The following DPP6 variants were observed in gnomAD, a reference collection of about 807,000 sequenced individuals.
The protein encoded by DPP6 is A-type potassium channel modulatory protein DPP6.
Under a neutral mutation model 122.6 loss-of-function variants are expected in DPP6, and 69 were observed. The observed-to-expected ratio is 0.56, with a 90% confidence interval of 0.46 to 0.69. The LOEUF (loss-of-function observed/expected upper bound fraction) is 0.69, where lower values mean the gene tolerates loss of function less well. Ranked by LOEUF, DPP6 falls within the 30% of genes least tolerant of loss-of-function variation. The pLI is 0.00. For synonymous variants in DPP6, 418 were observed against 433.1 expected (o/e 0.97, Z 0.43); for missense variants, 928 against 1,116.9 (o/e 0.83, Z 2.41).
chr7:154,871,199 T>C (rs1296387982), intron 18 of DPP6, among the ~76,000 whole-genome samples: 3 of 152,130 alleles, frequency 2.0e-5, no homozygotes, highest in Non-Finnish European at 4.4e-5. Context: ...GCAGCACTGG[T>C]GTGTGACTGT....
At chr7:154,809,239 A>G (rs1050502666) in intron 16 of DPP6, among the ~76,000 whole-genome samples, 12 of 151,886 alleles carry the variant, frequency 7.9e-5, no homozygotes, top group Admixed American at 6.6e-4. Context: ...GAGCAAATAC[A>G]GGGTTTCTTT....
intron 4 of DPP6, among the ~76,000 whole-genome samples, chr7:154,565,783 C>T (rs1182282995): frequency 6.6e-6 from 1 of 152,200 alleles, no homozygotes; most frequent in East Asian, 1.9e-4. Context: ...CCTCGGCCTC[C>T]CAAAGTGCTG....
At position 154,614,303 on chromosome 7, in the gene DPP6, G is replaced by A. The variant is rs372138566; in HGVS notation, c.628-23518G>A. ...TTTGGGATTGGTTTAATTATGGGAG[G>A]AGTTAGAGGCTATTTTAATGAAATA... On this transcript the variant is annotated intron_variant, in intron 5 of 25. Transcript: ENST00000377770. Among the ~76,000 whole-genome samples the A allele has an allele frequency of 3.4e-4, 52 of 152,306 alleles. No individual in the cohort carries two copies. In the East Asian group the frequency reaches 7.7e-3, roughly 23 times the overall value.
At chr7:153,771,870 C>T in the DPP6 span, among the ~76,000 whole-genome samples, 3 of 152,110 alleles carry the variant, frequency 2.0e-5, no homozygotes, top group South Asian at 6.2e-4. Flanking sequence ...CTTATATCTA[C>T]ACAATGAAAC....
At chr7:154,206,762 TG>T (rs1186115815) in intron 1 of DPP6, among the ~76,000 whole-genome samples, 1 of 152,240 alleles carries the variant, frequency 6.6e-6, no homozygotes, top group African/African-American at 2.4e-5. Flanking sequence ...TGGATGGAAG[TG>T]GTGGCTGCAC....
chr7:153,797,681 C>A, the DPP6 span, among the ~76,000 whole-genome samples: 4 of 152,122 alleles, frequency 2.6e-5, no homozygotes, highest in South Asian at 2.1e-4. Flanking sequence ...CAACAGCAGT[C>A]ATTTTTTTCC....
chr7:153,928,396 A>ATGTTTTTTTTTTTTTTTTTT (rs1275067491), intron 1 of DPP6, among the ~76,000 whole-genome samples: 1 of 43,672 alleles, frequency 2.3e-5, no homozygotes, highest in African/African-American at 7.9e-5. Flanking sequence ...CTTTTCTTTC[A>ATGTTTTTTTTTTTTTTTTTT]TTTTTTTTTT....
chr7:153,789,488 A>G, the DPP6 span, among the ~76,000 whole-genome samples: 1 of 152,166 alleles, frequency 6.6e-6, no homozygotes, highest in African/African-American at 2.4e-5. Flanking sequence ...TTATCTACCT[A>G]TGGCAAATAA....
Position 154,324,867 on chromosome 7 carries a change from A to ATTTTTTTTTTTTTTTT in DPP6, c.244-121346_244-121331dup, listed in dbSNP as rs143944650. ...TCTTTCTTTCTTCTTTCCTTTTGTT[A>ATTTTTTTTTTTTTTTT]TTTTTTTTTTTTTTTTGAGTCTTGC... On this transcript the variant is annotated intron_variant, in intron 1 of 25. Transcript: ENST00000377770. Among the ~76,000 whole-genome samples, 8 of 113,064 alleles carry ATTTTTTTTTTTTTTTT rather than the reference A, an allele frequency of 7.1e-5. 2 individuals are homozygous for ATTTTTTTTTTTTTTTT. The highest frequency in any genetic ancestry group is 1.0e-4 in the Admixed American group (1 of 9,550). The allele number at this position is 113,064 out of a possible 152,430, so 74.2% of individuals were successfully genotyped here. A position where few individuals can be genotyped will look rare whatever the true frequency, so the allele number is the denominator to read the frequency against.
chr7:154,670,179 G>T (rs1459149051), intron 7 of DPP6, among the ~76,000 whole-genome samples: 1 of 152,240 alleles, frequency 6.6e-6, no homozygotes, highest in South Asian at 2.1e-4. Flanking sequence ...GGTTTTTTAA[G>T]CAAGTAGATT....
chr7:154,755,604 C>T lies in DPP6; in HGVS notation c.884-13813C>T, dbSNP rs973100618. ...GAGCCGGCTTGGCGTGTGCTGGGTG[C>T]TCACCGACTGCTGGGTGTGGCCATC... On this transcript the variant is annotated intron_variant, in intron 8 of 25. Coordinates refer to ENST00000377770, the MANE Select transcript of DPP6 (RefSeq NM_130797.4). The surrounding 1 kb of genome is among the most constrained non-coding windows in gnomAD (Gnocchi z 4.7). Among the ~76,000 whole-genome samples, 3 of 152,166 alleles carry T rather than the reference C, an allele frequency of 2.0e-5. No homozygotes were observed. The highest frequency in any genetic ancestry group is 4.4e-5 in the Non-Finnish European group (3 of 68,028).
chr7:154,783,425 A>G (rs1797147874), intron 10 of DPP6, among the ~76,000 whole-genome samples: 1 of 152,072 alleles, frequency 6.6e-6, no homozygotes, highest in Admixed American at 6.5e-5. Flanking sequence ...GAGATGTGTC[A>G]CCCATGCAGA....
chr7:154,408,768 GT>G (rs201284135), intron 1 of DPP6, among the ~76,000 whole-genome samples: 14,405 of 142,038 alleles, frequency 0.1, 762 homozygotes, highest in African/African-American at 0.13. Context: ...GTCTTCCCCT[GT>G]TTTTTTTTTT....
rs538438567 is a variant in DPP6 at position 154,872,548 on chromosome 7, G to A, written c.1814-76G>A. On this transcript the variant is annotated intron_variant, in intron 18 of 25. Coordinates refer to ENST00000377770, the MANE Select transcript of DPP6 (RefSeq NM_130797.4). ...CCACCCAGAGCACCCTCACCCCCAC[G>A]GTCACCCAAGGGCATGCCCGATACC... The A allele has an allele frequency of 2.7e-5, 41 of 1,528,558 alleles. No individual in the cohort carries two copies. The East Asian group carries it at 7.4e-4, about 28-fold the overall frequency. The allele number at this position is 1,528,558 out of a possible 1,614,324, so 94.7% of individuals were successfully genotyped here.
chr7:154,318,474 G>A (rs1448381853), intron 1 of DPP6, among the ~76,000 whole-genome samples: 1 of 152,018 alleles, frequency 6.6e-6, no homozygotes, highest in African/African-American at 2.4e-5. Context: ...CTCTCTTCCA[G>A]CCCCCAAATA....
At chr7:153,802,108 T>C in the DPP6 span, among the ~76,000 whole-genome samples, 1 of 152,184 alleles carries the variant, frequency 6.6e-6, no homozygotes, top group East Asian at 1.9e-4. Context: ...TCAGAAAGTT[T>C]CGGTCAGGAG....
intron 8 of DPP6, among the ~76,000 whole-genome samples, chr7:154,732,317 A>G (rs1339046175): frequency 6.6e-6 from 1 of 152,178 alleles, no homozygotes; most frequent in Non-Finnish European, 1.5e-5. Context: ...GACAGCACAG[A>G]ATTTTTGGCC....
At chr7:153,886,924 C>T (rs371388327), upstream of DPP6, among the ~76,000 whole-genome samples, 1 of 152,130 alleles carries the variant, frequency 6.6e-6, no homozygotes, top group Non-Finnish European at 1.5e-5. Flanking sequence ...CCGCGGCAAT[C>T]ACCGTAGTGC....
chr7:154,665,708 T>G (rs7790783), intron 6 of DPP6, among the ~76,000 whole-genome samples: 1 of 151,896 alleles, frequency 6.6e-6, no homozygotes, highest in Non-Finnish European at 1.5e-5. Context: ...CAGGACATAT[T>G]TGTATGTATA....
Sources: allele counts gnomAD v4.1 joint callset (sites outside exome capture counted in the v4.1 genomes callset), GRCh38; gene constraint gnomAD v4.1.1; non-coding constraint Gnocchi (gnomAD v3.1); transcripts MANE v1.5; gene names NCBI Gene and HGNC (gene_info 2026-07-23, HGNC 2026-07-21).